The following USP37 variants were observed in gnomAD, a reference collection of about 807,000 sequenced individuals.
The protein encoded by USP37 is ubiquitin specific peptidase 37.
USP37 carries 27 observed loss-of-function variants against 124.0 expected under a neutral mutation model. That is an observed-to-expected ratio of 0.22 (90% CI 0.16 to 0.30). USP37 has a LOEUF of 0.30. USP37 is among the 10% of genes least tolerant of loss of function. USP37 has a pLI of 1.00. For synonymous variants in USP37, 365 were observed against 388.0 expected, an observed-to-expected ratio of 0.94 and a Z score of 0.70; for missense variants, 889 against 1,140.4, an observed-to-expected ratio of 0.78 and a Z score of 3.17.
At chr2:218,489,155 C>T (rs1175742945) in intron 14 of USP37, among the ~76,000 whole-genome samples, 4 of 151,026 alleles carry the variant, frequency 2.6e-5, no homozygotes, top group South Asian at 2.1e-4. Flanking sequence ...GTCAGGAGTT[C>T]GAGACCAGCC....
At chr2:218,460,452 T>A (rs1202396841) in intron 22 of USP37, among the ~76,000 whole-genome samples, 1 of 152,122 alleles carries the variant, frequency 6.6e-6, no homozygotes, top group East Asian at 1.9e-4. Context: ...AATATATTTA[T>A]ATGATAAAGG....
intron 10 of USP37, among the ~76,000 whole-genome samples, chr2:218,525,709 T>G (rs1290385944): frequency 6.6e-6 from 1 of 152,184 alleles, no homozygotes; most frequent in African/African-American, 2.4e-5. Flanking sequence ...AAGTTTTATT[T>G]TAAGTTCAGG....
intron 20 of USP37, 131 bp downstream of exon 20, chr2:218,474,499 T>G: frequency 1.5e-6 from 2 of 1,317,690 alleles, no homozygotes; most frequent in Non-Finnish European, 2.1e-6. Flanking sequence ...GTAGCTGGGA[T>G]TAGGGTCACA....
At chr2:218,511,800 C>CT (rs11355129) in intron 10 of USP37, among the ~76,000 whole-genome samples, 4 of 142,982 alleles carry the variant, frequency 2.8e-5, no homozygotes, top group African/African-American at 7.7e-5. Context: ...TTTTTCTTTT[C>CT]TTTTTTTTTT....
intron 19 of USP37, among the ~76,000 whole-genome samples, chr2:218,476,474 C>G (rs1399403180): frequency 6.6e-6 from 1 of 152,006 alleles, no homozygotes. Context: ...ACTTGGGGAG[C>G]TGAGGTAGGA....
chr2:218,514,322 A>G (rs929224024), intron 10 of USP37: 2 of 152,174 alleles, frequency 1.3e-5, no homozygotes, highest in Non-Finnish European at 2.9e-5. Flanking sequence ...AGGATCCCAC[A>G]GTGCAAGTAG....
chr2:218,450,890 CAT>C lies in USP37; in HGVS notation c.*4038_*4039del, dbSNP rs1034545707. The C allele has an allele frequency of 3.3e-5, 5 of 152,132 alleles. No individual in the cohort carries two copies. The highest frequency in any genetic ancestry group is 1.2e-4 in the African/African-American group (5 of 41,430). The allele number at this position is 152,132 out of a possible 1,614,324, so 9.4% of individuals were successfully genotyped here. The stretch of plus-strand genomic sequence containing the variant: ...AAATAAAAACTCCATACACCTCAGA[CAT>C]ATAGCACACATGGAGACAACTTACT... On this transcript the variant is annotated 3_prime_UTR_variant, in exon 26 of 26. Transcript: ENST00000258399.
chr2:218,511,286 T>C (rs1210014573), intron 10 of USP37, among the ~76,000 whole-genome samples: 1 of 152,108 alleles, frequency 6.6e-6, no homozygotes, highest in African/African-American at 2.4e-5. Flanking sequence ...GCTGGGATTA[T>C]AGGTGTGTAA....
At chr2:218,548,015 C>G (rs1692457198) in intron 6 of USP37, among the ~76,000 whole-genome samples, 1 of 152,094 alleles carries the variant, frequency 6.6e-6, no homozygotes, top group Non-Finnish European at 1.5e-5. Flanking sequence ...GAATTACAAT[C>G]CTAGGATAGG....
chr2:218,472,825 A>G (rs1190233230), intron 20 of USP37, among the ~76,000 whole-genome samples: 1 of 152,176 alleles, frequency 6.6e-6, no homozygotes, highest in Admixed American at 6.6e-5. Flanking sequence ...ACATCTAAGA[A>G]TATTAACAGT....
chr2:218,485,433 C>T (rs889429847), intron 16 of USP37, among the ~76,000 whole-genome samples: 35 of 152,008 alleles, frequency 2.3e-4, no homozygotes, highest in African/African-American at 6.5e-4. Flanking sequence ...GGATTACAGG[C>T]GTGAGCTATC....
At chr2:218,510,268 T>C (rs1689901710) in intron 10 of USP37, 128 bp from the exon 11 acceptor site, 2 of 993,456 alleles carry the variant, frequency 2.0e-6, no homozygotes, top group Non-Finnish European at 1.4e-6. Context: ...TCAGTAATAA[T>C]GATCACTTAA....
chr2:218,558,401 T>C, intron 4 of USP37, 97 bp downstream of exon 4: 1 of 1,078,142 alleles, frequency 9.3e-7, no homozygotes, highest in African/African-American at 1.6e-5. Context: ...AATATTAATC[T>C]AGGAGGAGGG....
At chr2:218,558,341 T>G (rs1226888630) in intron 4 of USP37, among the ~76,000 whole-genome samples, 157 bp downstream of exon 4, 1 of 152,208 alleles carries the variant, frequency 6.6e-6, no homozygotes, top group Non-Finnish European at 1.5e-5. Context: ...ATGAATAATT[T>G]ATAAAACATG....
chr2:218,551,600 T>C (rs907276398), intron 5 of USP37, among the ~76,000 whole-genome samples: 2 of 152,242 alleles, frequency 1.3e-5, no homozygotes, highest in Admixed American at 1.3e-4. Context: ...CATTATGCTA[T>C]GTTGTTCAAT....
At chr2:218,475,105 A>G (rs1690896715) in intron 19 of USP37, among the ~76,000 whole-genome samples, 1 of 152,158 alleles carries the variant, frequency 6.6e-6, no homozygotes, top group Admixed American at 6.6e-5. Context: ...TGAAATAAGT[A>G]TATATTTTGT....
chr2:218,476,807 C>G (rs760273874), intron 19 of USP37, 33 bp downstream of exon 19: 4 of 1,579,494 alleles, frequency 2.5e-6, no homozygotes, highest in Non-Finnish European at 1.7e-6. Context: ...ATAAACAAAT[C>G]TTTGTCAGAT....
At chr2:218,474,364 T>A (rs1276703795) in intron 20 of USP37, among the ~76,000 whole-genome samples, 3 of 152,002 alleles carry the variant, frequency 2.0e-5, no homozygotes, top group Non-Finnish European at 4.4e-5. Context: ...TCACCTCCCT[T>A]TATTTGTTTT....
Position 218,511,894 on chromosome 2 carries a change from G to A in USP37, c.864-1754C>T, listed in dbSNP as rs1422479938. 5.4e-5 allele frequency among the ~76,000 whole-genome samples: 8 copies of A among 148,504 alleles called. No homozygotes were observed. The East Asian group carries it at 1.6e-3, about 29-fold the overall frequency. Reference sequence around the variant, plus strand: ...CATAAGAGCACAGAAATTTTTTCCTGTATTTTCTCTTAACAGTTAAATTTT... The same window carrying A: ...CATAAGAGCACAGAAATTTTTTCCTATATTTTCTCTTAACAGTTAAATTTT... On this transcript the variant is annotated intron_variant, in intron 10 of 25. Coordinates refer to ENST00000258399, the MANE Select transcript of USP37 (RefSeq NM_020935.3).
Sources: gnomAD v4.1 joint callset for allele counts (sites outside exome capture counted in the v4.1 genomes callset) on GRCh38, gnomAD v4.1.1 for gene constraint, MANE v1.5 for transcripts, NCBI Gene and HGNC (gene_info 2026-07-23, HGNC 2026-07-21) for gene names.